Variants in RELCH observed in about 807,000 individuals in gnomAD.
The protein encoded by RELCH is RAB11 binding and LisH domain, coiled-coil and HEAT repeat containing.
In RELCH, 41 loss-of-function variants were observed where a neutral mutation model predicts 150.3. That is an observed-to-expected ratio of 0.27 (90% CI 0.21 to 0.35). The LOEUF is 0.35. Ranked by LOEUF, RELCH falls within the 10% of genes least tolerant of loss-of-function variation. The pLI is 1.00. For missense variants in RELCH, 1,092 were observed against 1,467.8 expected (o/e 0.74, Z 4.18); for synonymous variants, 478 against 531.8 (o/e 0.90, Z 1.39).
chr18:62,301,229 C>T (rs1234389361), intron 28 of RELCH, among the ~76,000 whole-genome samples: 1 of 152,116 alleles, frequency 6.6e-6, no homozygotes, highest in Non-Finnish European at 1.5e-5. Context: ...GTACAGAGTA[C>T]ATGTGGGAGA....
intron 27 of RELCH, among the ~76,000 whole-genome samples, chr18:62,295,855 G>C (rs1299729502): frequency 6.6e-6 from 1 of 152,220 alleles, no homozygotes; most frequent in Non-Finnish European, 1.5e-5. Context: ...TTACAGGCTT[G>C]AGCCACCATG....
rs534797804 is a variant in RELCH, at chr18:62,267,516, G to A, written c.2680+767G>A. Among the ~76,000 whole-genome samples, 167 of 119,488 alleles carry A rather than the reference G, an allele frequency of 1.4e-3. 1 individual carries two copies. Among genetic ancestry groups the A allele is most frequent in the South Asian group, 4.1e-3 (14 of 3,404 alleles). 78.4% of individuals were successfully genotyped at this position (119,488 alleles called of 152,430 possible). A position where few individuals can be genotyped will look rare whatever the true frequency, so the allele number is the denominator to read the frequency against. ...TGTGTGTGTGTGTGTGTGTGTGTGTGTGTATACATATATATATATACACAC... is the reference window on the plus strand; with the variant it reads ...TGTGTGTGTGTGTGTGTGTGTGTGTATGTATACATATATATATATACACAC... On this transcript the variant is annotated intron_variant, in intron 19 of 28. Coordinates refer to ENST00000644646, the MANE Select transcript of RELCH (RefSeq NM_001346231.2).
chr18:62,280,474 C>G (rs1409390785), intron 23 of RELCH, 172 bp from the exon 24 acceptor site: 2 of 1,579,490 alleles, frequency 1.3e-6, no homozygotes, highest in Non-Finnish European at 1.7e-6. Context: ...CTTAAGTTAT[C>G]CTGTCTGTCT....
At chr18:62,199,139 G>C (rs17644270) in intron 1 of RELCH, among the ~76,000 whole-genome samples, 62,305 of 150,316 alleles carry the variant, frequency 0.41, 13,017 homozygotes, top group Middle Eastern at 0.59. Flanking sequence ...TACTTGTCCT[G>C]TCTTCCATAT....
chr18:62,231,321 T>C (rs778568353), intron 9 of RELCH, 52 bp downstream of exon 9: 2 of 1,166,876 alleles, frequency 1.7e-6, no homozygotes, highest in Middle Eastern at 2.0e-4. Context: ...CTACTGTTTT[T>C]CTTCTTTTTA....
chr18:62,291,090 A>G (rs1310938979), intron 26 of RELCH, among the ~76,000 whole-genome samples: 3 of 152,172 alleles, frequency 2.0e-5, no homozygotes, highest in Non-Finnish European at 2.9e-5. Flanking sequence ...CTAGATTTTT[A>G]TATTTTTCTC....
At chr18:62,300,701 G>A (rs1056679429) in intron 28 of RELCH, 1 of 152,098 alleles carries the variant, frequency 6.6e-6, no homozygotes, top group Non-Finnish European at 1.5e-5. Context: ...ATTTCATCCC[G>A]AGAAATAGAA....
intron 2 of RELCH, among the ~76,000 whole-genome samples, chr18:62,215,831 C>T (rs1296753268): frequency 2.0e-5 from 3 of 152,096 alleles, no homozygotes; most frequent in Non-Finnish European, 2.9e-5. Context: ...TCTGTATATT[C>T]ATGTGGATAG....
intron 5 of RELCH, among the ~76,000 whole-genome samples, chr18:62,221,972 AACT>A (rs2040904131): frequency 6.6e-6 from 1 of 151,942 alleles, no homozygotes; most frequent in African/African-American, 2.4e-5. Context: ...CCAATTTTAG[AACT>A]TTATTATTAT....
chr18:62,232,473 G>T (rs200709900), intron 10 of RELCH, 46 bp downstream of exon 10: 1 of 1,164,264 alleles, frequency 8.6e-7, no homozygotes. Flanking sequence ...CCATCATGTT[G>T]TCCATTTTTT....
chr18:62,289,784 A>G (rs1424930061), intron 26 of RELCH, among the ~76,000 whole-genome samples: 4 of 152,212 alleles, frequency 2.6e-5, no homozygotes, highest in African/African-American at 9.7e-5. Flanking sequence ...TAACTTTCGA[A>G]TCCTTGAGAA....
intron 11 of RELCH, among the ~76,000 whole-genome samples, chr18:62,250,185 G>A (rs1183846883): frequency 9.2e-5 from 14 of 151,988 alleles, no homozygotes; most frequent in South Asian, 4.1e-4. Flanking sequence ...TTTCAAAGCC[G>A]TCATATTTTC....
intron 25 of RELCH, among the ~76,000 whole-genome samples, chr18:62,283,869 G>A (rs2044651631): frequency 6.6e-6 from 1 of 152,120 alleles, no homozygotes; most frequent in African/African-American, 2.4e-5. Flanking sequence ...ATGGGTCTTT[G>A]GTGTGTGCCA....
In RELCH at chr18:62,235,900, G is replaced by A. The variant is rs113080394; in HGVS notation, c.1620+3473G>A. ...TATAGAATCATGTCATCTGCACGTAGAGAGATAGTTTTGCTTCTTCTTTAC... is the reference window on the plus strand; with the variant it reads ...TATAGAATCATGTCATCTGCACGTAAAGAGATAGTTTTGCTTCTTCTTTAC... On this transcript the variant is annotated intron_variant, in intron 10 of 28. Transcript: ENST00000644646. Among the ~76,000 whole-genome samples the A allele has an allele frequency of 7.2e-3, 1,098 of 152,072 alleles. 9 individuals are homozygous for A. Among genetic ancestry groups the A allele is most frequent in the Non-Finnish European group, 8.8e-3 (599 of 67,920 alleles).
chr18:62,190,393 A>G (rs1249847702), intron 1 of RELCH, among the ~76,000 whole-genome samples: 4 of 152,132 alleles, frequency 2.6e-5, no homozygotes, highest in South Asian at 2.1e-4. Context: ...CCTGGCCAAC[A>G]TGGTGAAACC....
At chr18:62,232,912 G>C (rs2041667152) in intron 10 of RELCH, among the ~76,000 whole-genome samples, 1 of 151,924 alleles carries the variant, frequency 6.6e-6, no homozygotes, top group Non-Finnish European at 1.5e-5. Context: ...TGCTTGTTTG[G>C]CAATAAATCA....
Position 62,258,646 on chromosome 18 carries a change from A to G in RELCH, c.2172A>G (p.Thr724=), listed in dbSNP as rs774342294. The part of the protein sequence containing the change: ...LGNLQSHLIL[T]LLNKIEKLLR... ...ATTTACAGTCTCATCTTATACTTAC[A>G]CTACTGAACAAGATTGAAAAACTTC... Residue 724 remains threonine (T), a synonymous_variant, in exon 15 of 29, where the codon ACA becomes ACG. Transcript: ENST00000644646. The G allele has an allele frequency of 6.3e-7, 1 of 1,589,970 alleles. No individual in the cohort carries two copies. The highest frequency in any genetic ancestry group is 8.5e-7 in the Non-Finnish European group (1 of 1,173,186).
At chr18:62,289,421 C>A (rs1265378304) in intron 26 of RELCH, among the ~76,000 whole-genome samples, 1 of 152,100 alleles carries the variant, frequency 6.6e-6, no homozygotes, top group South Asian at 2.1e-4. Context: ...TAGTGTATAA[C>A]ATTTTGGCAT....
intron 11 of RELCH, among the ~76,000 whole-genome samples, chr18:62,250,496 T>G (rs2042646042): frequency 6.6e-6 from 1 of 152,256 alleles, no homozygotes; most frequent in Non-Finnish European, 1.5e-5. Flanking sequence ...CTTGCTAATA[T>G]CTTTTTCCAT....
Sources: gnomAD v4.1 joint callset for allele counts (sites outside exome capture counted in the v4.1 genomes callset) on GRCh38, gnomAD v4.1.1 for gene constraint, MANE v1.5 for transcripts, NCBI Gene and HGNC (gene_info 2026-07-23, HGNC 2026-07-21) for gene names.